Variants in ETFA observed in about 807,000 individuals in gnomAD.
ETFA encodes the protein electron transfer flavoprotein subunit alpha.
In ETFA, 22 loss-of-function variants were observed where a neutral mutation model predicts 46.2. That is an observed-to-expected ratio of 0.48 (90% CI 0.34 to 0.68). The LOEUF (loss-of-function observed/expected upper bound fraction) is 0.68. Among genes scored for constraint, ETFA ranks in the 30% least tolerant of loss-of-function variants. The pLI is 0.01. For missense variants in ETFA, 345 were observed against 401.1 expected, an observed-to-expected ratio of 0.86 and a Z score of 1.19; for synonymous variants, 131 against 139.9, an observed-to-expected ratio of 0.94 and a Z score of 0.45.
At chr15:76,257,810 C>A (rs533833313) in intron 9 of ETFA, among the ~76,000 whole-genome samples, 257 of 151,850 alleles carry the variant, frequency 1.7e-3, no homozygotes, top group Non-Finnish European at 2.9e-3. Context: ...AAATGTGGCA[C>A]ATATACACCA....
chr15:76,283,865 C>A (rs1415157513), intron 7 of ETFA, 40 bp from the exon 8 acceptor site: 1 of 1,412,906 alleles, frequency 7.1e-7, no homozygotes, highest in Admixed American at 1.7e-5. Context: ...AGGCAAACAT[C>A]AAATACATTC....
intron 1 of ETFA, among the ~76,000 whole-genome samples, chr15:76,297,347 G>A (rs1467385591): frequency 6.6e-6 from 1 of 151,018 alleles, no homozygotes; most frequent in Non-Finnish European, 1.5e-5. Flanking sequence ...TTTTGGAAAG[G>A]ACTTTGTAAT....
chr15:76,218,619 A>G (rs2038923331), intron 11 of ETFA, among the ~76,000 whole-genome samples: 2 of 152,204 alleles, frequency 1.3e-5, no homozygotes, highest in Non-Finnish European at 2.9e-5. Context: ...TTTAGGAAAA[A>G]GGAAATGCTA....
At chr15:76,277,910 C>A (rs1188442370) in intron 8 of ETFA, among the ~76,000 whole-genome samples, 4 of 152,188 alleles carry the variant, frequency 2.6e-5, no homozygotes, top group Non-Finnish European at 4.4e-5. Context: ...GGTTTCTGCT[C>A]TGGGAAGTTG....
rs569383513 is a variant in ETFA at position 76,295,790 on chromosome 15, T to TG, written c.40-54_40-53insC. The TG allele has an allele frequency of 2.4e-4, 340 of 1,436,674 alleles. 1 individual carries two copies. In the South Asian group the frequency reaches 3.9e-3, roughly 17 times the overall value. The allele number at this position is 1,436,674 out of a possible 1,614,324, so 89.0% of individuals were successfully genotyped here. On this transcript the variant is annotated intron_variant, in intron 1 of 11. Transcript: ENST00000557943. ...GGTAAAGAATGTTGTCACAGGGTTTTTTTTTTTTTTTTTACTAATTGTTAA... is the reference window on the plus strand; with the variant it reads ...GGTAAAGAATGTTGTCACAGGGTTTTGTTTTTTTTTTTTTACTAATTGTTAA...
chr15:76,255,675 G>T lies in ETFA; in HGVS notation c.816+18737C>A, dbSNP rs146923574. Among the ~76,000 whole-genome samples, 13 of 152,270 alleles carry T rather than the reference G, an allele frequency of 8.5e-5. No homozygotes were observed. The East Asian group carries it at 2.5e-3, about 29-fold the overall frequency. ...TCTATTGTCCAGTATTGATATCAAG[G>T]AATCACTGAAGAATATTTTTACATG... On this transcript the variant is annotated intron_variant, in intron 9 of 11. Transcript: ENST00000557943.
chr15:76,222,047 A>G (rs2038960418), intron 11 of ETFA, among the ~76,000 whole-genome samples: 1 of 152,150 alleles, frequency 6.6e-6, no homozygotes, highest in South Asian at 2.1e-4. Flanking sequence ...AGGCTAAAAA[A>G]GTCCTTTCTG....
chr15:76,295,823 T>C (rs556624891), intron 1 of ETFA, 86 bp from the exon 2 acceptor site: 13 of 1,016,584 alleles, frequency 1.3e-5, no homozygotes, highest in South Asian at 3.0e-5. Flanking sequence ...TAAGCATGTA[T>C]GCTTTAAAGA....
At chr15:76,264,391 C>T (rs1383079239) in intron 9 of ETFA, among the ~76,000 whole-genome samples, 3 of 152,010 alleles carry the variant, frequency 2.0e-5, no homozygotes, top group East Asian at 1.9e-4. Context: ...TAATTGGGGT[C>T]GATTAGAGAA....
Position 76,282,142 on chromosome 15 carries a change from G to C in ETFA, c.733+1615C>G, listed in dbSNP as rs529508868. ...TAGTCTCAAACTCCGGACCTCAGGTGATCCGCCCACCCTGGCCTCCCAAAG... is the reference window on the plus strand; with the variant it reads ...TAGTCTCAAACTCCGGACCTCAGGTCATCCGCCCACCCTGGCCTCCCAAAG... On this transcript the variant is annotated intron_variant, in intron 8 of 11. Coordinates refer to ENST00000557943, the MANE Select transcript of ETFA (RefSeq NM_000126.4). 3.9e-5 allele frequency among the ~76,000 whole-genome samples: 6 copies of C among 152,138 alleles called. No homozygotes were observed. In the East Asian group the frequency reaches 9.7e-4, roughly 25 times the overall value.
At chr15:76,264,293 C>T (rs553025644) in intron 9 of ETFA, among the ~76,000 whole-genome samples, 78 of 152,310 alleles carry the variant, frequency 5.1e-4, no homozygotes, top group African/African-American at 1.9e-3. Context: ...ACATGGTGGG[C>T]TGAGGAAGCT....
At position 76,226,147 on chromosome 15, in the gene ETFA, G is replaced by GT. The variant is rs1680378399; in HGVS notation, c.883-219dup. On this transcript the variant is annotated intron_variant, in intron 10 of 11. Coordinates refer to ENST00000557943, the MANE Select transcript of ETFA (RefSeq NM_000126.4). ...ATCTAGCCCATCTCAGTATTAAAGA[G>GT]TTTAAAATCATTATTTTTTAAAAGT... The GT allele has an allele frequency of 9.1e-6, 4 of 440,280 alleles. No homozygotes were observed. The East Asian group carries it at 1.5e-4, about 17-fold the overall frequency. 27.3% of individuals were successfully genotyped at this position (440,280 alleles called of 1,614,324 possible).
intron 10 of ETFA, chr15:76,229,211 G>C (rs1199357515): frequency 1.3e-5 from 2 of 152,168 alleles, no homozygotes; most frequent in African/African-American, 4.8e-5. Context: ...TAGAACTAAA[G>C]ACTGTCTCCT....
At position 76,292,705 on chromosome 15, in the gene ETFA, G is replaced by A; in HGVS notation, c.187-5C>T. 1 of 1,595,702 alleles carries A rather than the reference G, an allele frequency of 6.3e-7. No homozygotes were observed. Among genetic ancestry groups the A allele is most frequent in the East Asian group, 2.2e-5 (1 of 44,774 alleles). ...TTTACAGAGATCTTGTGCCACCTAT[G>A]ATTAAAAGATAAGTTCCTAATTATC... is the stretch of plus-strand genomic sequence containing the variant. On this transcript the variant is annotated splice_polypyrimidine_tract_variant and splice_region_variant and intron_variant, in intron 2 of 11. Coordinates refer to ENST00000557943, the MANE Select transcript of ETFA (RefSeq NM_000126.4).
At chr15:76,281,209 G>T (rs1181602609) in intron 8 of ETFA, among the ~76,000 whole-genome samples, 5 of 151,580 alleles carry the variant, frequency 3.3e-5, no homozygotes, top group Non-Finnish European at 2.9e-5. Flanking sequence ...TTCACCACGT[G>T]GGCCAGACTG....
At chr15:76,238,252 G>C (rs2039147909) in intron 9 of ETFA, among the ~76,000 whole-genome samples, 1 of 152,158 alleles carries the variant, frequency 6.6e-6, no homozygotes, top group South Asian at 2.1e-4. Flanking sequence ...AATATGAGTA[G>C]GGTGGTTAAA....
chr15:76,254,244 G>A (rs1668869317), intron 9 of ETFA, among the ~76,000 whole-genome samples: 1 of 152,186 alleles, frequency 6.6e-6, no homozygotes, highest in Admixed American at 6.5e-5. Context: ...AAAAATTCCA[G>A]AAGGAGAGAA....
At chr15:76,310,262 A>G (rs1293231446) in intron 1 of ETFA, among the ~76,000 whole-genome samples, 2 of 150,394 alleles carry the variant, frequency 1.3e-5, no homozygotes, top group African/African-American at 2.5e-5. Flanking sequence ...TAAACAAACA[A>G]ACAAACAAAC....
intron 9 of ETFA, among the ~76,000 whole-genome samples, chr15:76,258,825 T>C (rs1178235047): frequency 1.3e-5 from 2 of 152,058 alleles, no homozygotes; most frequent in African/African-American, 4.8e-5. Flanking sequence ...GGAACTGGGA[T>C]TGGGTGATTT....
Sources: allele counts gnomAD v4.1 joint callset (sites outside exome capture counted in the v4.1 genomes callset), GRCh38; gene constraint gnomAD v4.1.1; transcripts MANE v1.5; gene names NCBI Gene and HGNC (gene_info 2026-07-23, HGNC 2026-07-21).